EXOC3: variants seen among roughly 807,000 people sequenced by gnomAD.
EXOC3 encodes SEC6-like 1.
In EXOC3, 21 loss-of-function variants were observed where a neutral mutation model predicts 73.7. That is an observed-to-expected ratio of 0.29 (90% confidence interval 0.20 to 0.41). The LOEUF (loss-of-function observed/expected upper bound fraction) is 0.41. Among genes scored for constraint, EXOC3 ranks in the 10% least tolerant of loss-of-function variants. The probability of loss-of-function intolerance (pLI) is 1.00; values close to 1 mark genes in which losing one functional copy is unlikely to be tolerated. For synonymous variants in EXOC3, 410 were observed against 389.1 expected (o/e 1.05, Z -0.63); for missense variants, 842 against 985.1 (o/e 0.85, Z 1.95).
chr5:445,343 C>A (rs1264024413), intron 1 of EXOC3, among the ~76,000 whole-genome samples: 9 of 52,052 alleles, frequency 1.7e-4, no homozygotes, highest in African/African-American at 7.5e-4. Context: ...ATGACTTTTT[C>A]TTTTTTTTTC....
Position 453,898 on chromosome 5 carries a change from T to G in EXOC3, c.893T>G (p.Val298Gly). 1.2e-6 allele frequency: 2 copies of G among 1,613,812 alleles called. No homozygotes were observed. Among genetic ancestry groups the G allele is most frequent in the Non-Finnish European group, 1.7e-6 (2 of 1,179,872 alleles). ...CTCATTGTCGCCAAAAACCTGATGG[T>G]TCAGTGCTTTCCTCCCCACTATGAG... ...DDLIVAKNLM[V>G]QCFPPHYEIF... Residue 298 changes from valine to glycine, a missense_variant, in exon 4 of 13, where the codon GTT (valine) becomes GGT (glycine). By Grantham distance (109) the Val-to-Gly change is moderately radical (BLOSUM62 -3). Coordinates refer to ENST00000512944, the MANE Select transcript of EXOC3 (RefSeq NM_007277.5).
At chr5:459,278 G>T in intron 6 of EXOC3, 81 bp from the exon 7 acceptor site, 1 of 546,754 alleles carries the variant, frequency 1.8e-6, no homozygotes. Context: ...AGCAGATGGA[G>T]GTTTCATATA....
chr5:456,967 G>C lies in EXOC3; in HGVS notation c.1125G>C (p.Val375=). The change falls in exon 5 of 13, where the codon GTG becomes GTC. Residue 375 remains valine, a synonymous_variant. Coordinates refer to ENST00000512944, the MANE Select transcript of EXOC3 (RefSeq NM_007277.5). ...GTLEPLLSPH[V]VSELLDTYMS... ...TGGAGCCATTGCTTTCTCCACACGT[G>C]GTCTCTGAGCTGCTTGACACGTACA... 3 of 1,613,986 alleles carry C rather than the reference G, an allele frequency of 1.9e-6. No homozygotes were observed. Among genetic ancestry groups the C allele is most frequent in the Non-Finnish European group, 2.5e-6 (3 of 1,179,860 alleles).
chr5:450,489 C>T (rs1032605015), intron 3 of EXOC3, among the ~76,000 whole-genome samples: 2 of 152,164 alleles, frequency 1.3e-5, no homozygotes, highest in African/African-American at 2.4e-5. Flanking sequence ...CCCATGTGCA[C>T]GTGAGAATAG....
rs11274307 is a variant in EXOC3, at chr5:443,229, GGGCGGCGGCGGCGGCGGCGGC to G, written c.-89_-69del. On this transcript the variant is annotated 5_prime_UTR_variant, in exon 1 of 13. Transcript: ENST00000512944. ...GCAGCGAAGGCGGAGGGGGCGGCGG[GGGCGGCGGCGGCGGCGGCGGC>G]GGCGGCGGCGGCGGCGGCGGCGGCG... The G allele has an allele frequency of 0.53, 74,047 of 138,990 alleles. 18,786 individuals are homozygous for G. Among genetic ancestry groups the G allele is most frequent in the African/African-American group, 0.65 (26,462 of 40,682 alleles). The allele number at this position is 138,990 out of a possible 1,614,324, so 8.6% of individuals were successfully genotyped here.
intron 1 of EXOC3, 150 bp from the exon 2 acceptor site, chr5:446,000 A>T (rs1222858632): frequency 3.4e-6 from 2 of 592,234 alleles, no homozygotes; most frequent in African/African-American, 3.7e-5. Flanking sequence ...TGTTTATCTT[A>T]TCAAGGAGTT....
rs1334702381 is a variant in EXOC3 at position 462,062 on chromosome 5, G to T, written c.1494G>T (p.Gln498His). 1.2e-6 allele frequency: 2 copies of T among 1,610,724 alleles called. No homozygotes were observed. Among genetic ancestry groups the T allele is most frequent in the Non-Finnish European group, 1.7e-6 (2 of 1,178,342 alleles). ...QYMIAIINNC[Q>H]TFKESIVSLK... ...TGATCGCCATCATCAACAACTGCCA[G>T]ACCTTCAAGTGAGTGTGGCCGGGCG... The change falls in exon 8 of 13, where the codon CAG (glutamine) becomes CAT (histidine). Residue 498 changes from glutamine (Q) to histidine (H), a missense_variant. Transcript: ENST00000512944.
chr5:461,801 C>G, intron 7 of EXOC3, 159 bp from the exon 8 acceptor site: 1 of 609,106 alleles, frequency 1.6e-6, no homozygotes, highest in South Asian at 2.0e-5. Context: ...TCTGTCCTTC[C>G]ATTAGTCTGG....
chr5:465,962 C>A, intron 12 of EXOC3, 117 bp downstream of exon 12: 1 of 1,148,678 alleles, frequency 8.7e-7, no homozygotes. Context: ...TGCAGCACGG[C>A]AAGGGTTCAG....
chr5:445,644 G>A (rs973568679), intron 1 of EXOC3, among the ~76,000 whole-genome samples: 3 of 152,196 alleles, frequency 2.0e-5, no homozygotes, highest in African/African-American at 2.4e-5. Flanking sequence ...GTGAGCCACC[G>A]GGCCTGGCTG....
intron 3 of EXOC3, among the ~76,000 whole-genome samples, chr5:449,144 G>A (rs1349628318): frequency 6.6e-6 from 1 of 152,206 alleles, no homozygotes; most frequent in Admixed American, 6.5e-5. Context: ...TTTCCTTGGT[G>A]AACAAATGAG....
Position 459,416 on chromosome 5 carries a change from G to A in EXOC3, c.1348G>A (p.Val450Ile), listed in dbSNP as rs375802350. Residue 450 changes from valine to isoleucine, a missense_variant, in exon 7 of 13, where the codon GTA (valine) becomes ATA (isoleucine). Val to Ile is a conservative substitution (Grantham distance 29). Coordinates refer to ENST00000512944, the MANE Select transcript of EXOC3 (RefSeq NM_007277.5). The part of the protein sequence containing the change: ...AQISEDLKTK[V>I]LVLCLQQMNS... ...GATAAGTGAAGATTTGAAAACAAAG[G>A]TACTAGTTTTATGTCTTCAGCAGAT... is the stretch of plus-strand genomic sequence containing the variant. 1 of 1,574,600 alleles carries A rather than the reference G, an allele frequency of 6.4e-7. No homozygotes were observed. Among genetic ancestry groups the A allele is most frequent in the Non-Finnish European group, 8.6e-7 (1 of 1,156,122 alleles).
intron 7 of EXOC3, among the ~76,000 whole-genome samples, chr5:459,833 C>T (rs559456103): frequency 1.9e-4 from 29 of 152,380 alleles, no homozygotes; most frequent in African/African-American, 6.5e-4. Flanking sequence ...TCGGCTGAGC[C>T]GGCCCTCCTC....
At chr5:454,956 A>G (rs147761454) in intron 4 of EXOC3, among the ~76,000 whole-genome samples, 1 of 148,590 alleles carries the variant, frequency 6.7e-6, no homozygotes, top group East Asian at 2.0e-4. Context: ...TTGCATTTCA[A>G]TACAGAAGGA....
At chr5:464,818 C>CACTG in intron 10 of EXOC3, 1 of 498,766 alleles carries the variant, frequency 2.0e-6, no homozygotes, top group Non-Finnish European at 3.6e-6. Context: ...CAGCAGCAGC[C>CACTG]ACTGACACGG....
Position 456,763 on chromosome 5 carries a change from G to A in EXOC3, c.1047-126G>A, listed in dbSNP as rs568335253. On this transcript the variant is annotated intron_variant, in intron 4 of 12. Coordinates refer to ENST00000512944, the MANE Select transcript of EXOC3 (RefSeq NM_007277.5). ...TGCACTTTCCCCTGAGCTGTGGGCC[G>A]GCTGTGACCAGGAAGTCTCCAGGGT... is the stretch of plus-strand genomic sequence containing the variant. The A allele has an allele frequency of 1.1e-5, 8 of 744,664 alleles. No homozygotes were observed. In the East Asian group the frequency reaches 1.1e-4, roughly 10 times the overall value. The allele number at this position is 744,664 out of a possible 1,614,324, so 46.1% of individuals were successfully genotyped here.
Position 452,511 on chromosome 5 carries a change from G to A in EXOC3, c.365-859G>A, listed in dbSNP as rs138763881. ...TCTTTCTCTAGTAGATCTGCCATCA[G>A]ATCTTTTACAGGAACAGTTTCTTAT... On this transcript the variant is annotated intron_variant, in intron 3 of 12. Transcript: ENST00000512944. Among the ~76,000 whole-genome samples the A allele has an allele frequency of 4.6e-5, 7 of 152,318 alleles. No individual in the cohort carries two copies. The East Asian group carries it at 1.3e-3, about 29-fold the overall frequency.
intron 10 of EXOC3, 47 bp from the exon 11 acceptor site, chr5:465,064 G>T (rs1439884048): frequency 6.7e-7 from 1 of 1,492,852 alleles, no homozygotes; most frequent in South Asian, 1.3e-5. Flanking sequence ...GGTGCTCCTG[G>T]CCGCCAGAGC....
At position 466,755 on chromosome 5, in the gene EXOC3, G is replaced by T. The variant is rs1450083132; in HGVS notation, c.2095G>T (p.Val699Leu). ...RDDHIGALLA[V>L]RGDASRDMKQ... ...TGACCACATCGGTGCGCTGCTGGCT[G>T]TGCGTGGGGACGCCAGCCGTGACAT... Residue 699 changes from valine (V) to leucine (L), a missense_variant, in exon 13 of 13, where the codon GTG (valine) becomes TTG (leucine). Val to Leu is a conservative substitution (Grantham distance 32). Coordinates refer to ENST00000512944, the MANE Select transcript of EXOC3 (RefSeq NM_007277.5). 2.5e-6 allele frequency: 4 copies of T among 1,613,028 alleles called. No individual in the cohort carries two copies. The highest frequency in any genetic ancestry group is 3.4e-6 in the Non-Finnish European group (4 of 1,179,790).
Sources: gnomAD v4.1 joint callset for allele counts (sites outside exome capture counted in the v4.1 genomes callset) on GRCh38, gnomAD v4.1.1 for gene constraint, MANE v1.5 for transcripts, NCBI Gene and HGNC (gene_info 2026-07-23, HGNC 2026-07-21) for gene names.